The following SCMH1 variants were observed in gnomAD, a reference collection of about 807,000 sequenced individuals.
The protein encoded by SCMH1 is Scm polycomb group protein homolog 1, also known as polycomb protein SCMH1.
In SCMH1, 37 loss-of-function variants were observed where a neutral mutation model predicts 70.8. That is an observed-to-expected ratio of 0.52 (90% confidence interval 0.40 to 0.69). The LOEUF (loss-of-function observed/expected upper bound fraction) is 0.69, where lower values mean the gene tolerates loss of function less well. Among genes scored for constraint, SCMH1 ranks in the 30% least tolerant of loss-of-function variants. The pLI is 0.00. For synonymous variants in SCMH1, 292 were observed against 307.4 expected, an observed-to-expected ratio of 0.95 and a Z score of 0.52; for missense variants, 607 against 827.3, an observed-to-expected ratio of 0.73 and a Z score of 3.27.
chr1:41,037,443 A>C, exon 13 of SCMH1: 1 of 1,614,186 alleles, frequency 6.2e-7, no homozygotes, highest in Non-Finnish European at 8.5e-7. Context: ...TGCCTTTGGG[A>C]GGTGCTGACA....
At chr1:41,233,261 T>C (rs970055761) in intron 1 of SCMH1, among the ~76,000 whole-genome samples, 1 of 152,204 alleles carries the variant, frequency 6.6e-6, no homozygotes, top group Non-Finnish European at 1.5e-5. Context: ...ATGCAGCTTA[T>C]AAGGTCTCTT....
intron 1 of SCMH1, among the ~76,000 whole-genome samples, chr1:41,189,674 T>C (rs972210855): frequency 5.3e-5 from 8 of 152,246 alleles, no homozygotes; most frequent in Admixed American, 3.9e-4. Context: ...CATATCTCTT[T>C]GGTGTCCCCC....
intron 1 of SCMH1, among the ~76,000 whole-genome samples, chr1:41,195,670 A>C (rs1652858589): frequency 6.6e-6 from 1 of 152,222 alleles, no homozygotes; most frequent in Non-Finnish European, 1.5e-5. Flanking sequence ...AAAGATAGCC[A>C]CTTTCACCAT....
chr1:41,070,900 A>G (rs1656254034), intron 9 of SCMH1, among the ~76,000 whole-genome samples, 179 bp from the exon 10 acceptor site: 1 of 152,192 alleles, frequency 6.6e-6, no homozygotes, highest in Non-Finnish European at 1.5e-5. Context: ...GATGCTTAGT[A>G]GACATTTTCT....
At chr1:41,067,983 A>T (rs1373714490) in intron 10 of SCMH1, among the ~76,000 whole-genome samples, 2 of 152,358 alleles carry the variant, frequency 1.3e-5, no homozygotes, top group African/African-American at 4.8e-5. Flanking sequence ...AAAGTCTATT[A>T]AAAAATTTCA....
chr1:41,027,531 A>G (rs1277623383), exon 15 of SCMH1: 1 of 152,268 alleles, frequency 6.6e-6, no homozygotes, highest in Non-Finnish European at 1.5e-5. Context: ...TCTCCTCCCC[A>G]TATGGAGTGA....
At chr1:41,172,819 C>T (rs1646875426) in intron 2 of SCMH1, among the ~76,000 whole-genome samples, 1 of 152,096 alleles carries the variant, frequency 6.6e-6, no homozygotes, top group East Asian at 1.9e-4. Flanking sequence ...AGAAAGGCAT[C>T]AAGAGCATTC....
intron 1 of SCMH1, among the ~76,000 whole-genome samples, chr1:41,227,720 G>A (rs1461584745): frequency 6.6e-6 from 1 of 152,142 alleles, no homozygotes; most frequent in African/African-American, 2.4e-5. Flanking sequence ...AGTGGCTCAC[G>A]TCTGTAATCC....
intron 1 of SCMH1, among the ~76,000 whole-genome samples, chr1:41,207,240 C>T (rs1655770064): frequency 6.6e-6 from 1 of 152,152 alleles, no homozygotes; most frequent in African/African-American, 2.4e-5. Context: ...AAGACACAGA[C>T]TGGCAAATTG....
At chr1:41,031,138 A>G (rs1192917430) in intron 13 of SCMH1, among the ~76,000 whole-genome samples, 2 of 152,176 alleles carry the variant, frequency 1.3e-5, no homozygotes, top group Admixed American at 6.5e-5. Flanking sequence ...CAAGTAAAAA[A>G]ATCAGCTGGG....
At chr1:41,062,071 G>T (rs1652856303) in intron 10 of SCMH1, among the ~76,000 whole-genome samples, 1 of 151,900 alleles carries the variant, frequency 6.6e-6, no homozygotes, top group African/African-American at 2.4e-5. Flanking sequence ...TCACCATGTT[G>T]CCCAAGCTGG....
intron 5 of SCMH1, among the ~76,000 whole-genome samples, chr1:41,149,264 T>C (rs1176416470): frequency 1.3e-5 from 2 of 152,180 alleles, no homozygotes. Flanking sequence ...TTTGAATAGT[T>C]TCTATTGTTA....
At chr1:41,221,093 T>G (rs754439535) in intron 1 of SCMH1, among the ~76,000 whole-genome samples, 13 of 152,186 alleles carry the variant, frequency 8.5e-5, no homozygotes, top group Non-Finnish European at 1.9e-4. Flanking sequence ...CCATTATCAC[T>G]ATTATTACCA....
chr1:41,239,588 T>C (rs1446494212), intron 1 of SCMH1, among the ~76,000 whole-genome samples: 1 of 152,234 alleles, frequency 6.6e-6, no homozygotes, highest in Non-Finnish European at 1.5e-5. Flanking sequence ...CATAGCATAG[T>C]GCTTGACCCA....
At chr1:41,084,657 G>A (rs1661055659) in intron 8 of SCMH1, among the ~76,000 whole-genome samples, 1 of 152,068 alleles carries the variant, frequency 6.6e-6, no homozygotes, top group African/African-American at 2.4e-5. Flanking sequence ...AAATCATGCT[G>A]CTATAAAGAC....
chr1:41,169,362 T>C (rs1646634253), intron 2 of SCMH1, among the ~76,000 whole-genome samples: 1 of 152,164 alleles, frequency 6.6e-6, no homozygotes, highest in Non-Finnish European at 1.5e-5. Flanking sequence ...GTGTGTGCTA[T>C]AAGCCCCTTC....
intron 1 of SCMH1, among the ~76,000 whole-genome samples, chr1:41,211,562 TTGG>T (rs1314469352): frequency 6.6e-6 from 1 of 152,162 alleles, no homozygotes; most frequent in Non-Finnish European, 1.5e-5. Context: ...CTTTACACTG[TTGG>T]TGGGAGTGTA....
intron 1 of SCMH1, among the ~76,000 whole-genome samples, chr1:41,223,721 A>G (rs1481000355): frequency 1.3e-5 from 2 of 152,156 alleles, no homozygotes; most frequent in Non-Finnish European, 2.9e-5. Context: ...TTCATATATC[A>G]TATATTAGAT....
chr1:41,206,731 A>C (rs898161401), intron 1 of SCMH1, among the ~76,000 whole-genome samples: 3 of 152,278 alleles, frequency 2.0e-5, no homozygotes, highest in East Asian at 1.9e-4. Flanking sequence ...ACCCCAAGAC[A>C]CATAATTGTC....
Sources: allele counts gnomAD v4.1 joint callset (sites outside exome capture counted in the v4.1 genomes callset), GRCh38; gene constraint gnomAD v4.1.1; transcripts MANE v1.5; gene names NCBI Gene and HGNC (gene_info 2026-07-23, HGNC 2026-07-21).